TBC1D1: variants seen among roughly 807,000 people sequenced by gnomAD.
TBC1D1 encodes the protein TBC1 (tre-2/USP6, BUB2, cdc16) domain family, member 1.
A neutral mutation model predicts 125.6 loss-of-function variants in TBC1D1; 89 were observed. The observed-to-expected ratio is 0.71, with a 90% CI of 0.60 to 0.85. The LOEUF (loss-of-function observed/expected upper bound fraction) is 0.85. Ranked by LOEUF, TBC1D1 falls within the 40% of genes least tolerant of loss-of-function variation. The pLI is 0.00. For missense variants in TBC1D1, 1,377 were observed against 1,469.2 expected (o/e 0.94, Z 1.03); for synonymous variants, 565 against 564.1 (o/e 1.00, Z -0.02).
intron 2 of TBC1D1, among the ~76,000 whole-genome samples, chr4:37,922,011 A>G (rs1305106157): frequency 6.6e-6 from 1 of 152,078 alleles, no homozygotes; most frequent in Non-Finnish European, 1.5e-5. Flanking sequence ...TGCTGGGATT[A>G]CAGGTGTGAG....
intron 12 of TBC1D1, among the ~76,000 whole-genome samples, chr4:38,057,575 C>T (rs1425441062): frequency 6.6e-6 from 1 of 152,132 alleles, no homozygotes; most frequent in Non-Finnish European, 1.5e-5. Context: ...ACCAAGCCGC[C>T]TGAATTTCTG....
chr4:37,980,263 G>A (rs1734084625), intron 2 of TBC1D1, among the ~76,000 whole-genome samples: 1 of 152,212 alleles, frequency 6.6e-6, no homozygotes, highest in South Asian at 2.1e-4. Flanking sequence ...ACATGATCTG[G>A]AACATTAGGG....
At chr4:37,976,729 C>T (rs956012073) in intron 2 of TBC1D1, among the ~76,000 whole-genome samples, 3 of 152,074 alleles carry the variant, frequency 2.0e-5, no homozygotes, top group Non-Finnish European at 2.9e-5. Context: ...AACTGACCAC[C>T]TTGTCTCATC....
At chr4:37,923,306 A>G (rs1721408476) in intron 2 of TBC1D1, among the ~76,000 whole-genome samples, 1 of 152,176 alleles carries the variant, frequency 6.6e-6, no homozygotes, top group Non-Finnish European at 1.5e-5. Context: ...ATGGCTGCAT[A>G]GTACTCCATG....
intron 12 of TBC1D1, among the ~76,000 whole-genome samples, chr4:38,076,752 G>A (rs923042754): frequency 3.3e-5 from 5 of 151,968 alleles, no homozygotes; most frequent in African/African-American, 7.3e-5. Flanking sequence ...AGATATATTA[G>A]TGTTTACAGT....
At chr4:38,105,451 T>C (rs1761142283) in intron 15 of TBC1D1, among the ~76,000 whole-genome samples, 2 of 152,134 alleles carry the variant, frequency 1.3e-5, no homozygotes, top group Admixed American at 6.6e-5. Flanking sequence ...TCAACTTTTA[T>C]TTTAGATTCC....
intron 13 of TBC1D1, 138 bp from the exon 16 acceptor site, chr4:38,095,791 G>A (rs1759217339): frequency 2.4e-6 from 2 of 829,208 alleles, no homozygotes; most frequent in South Asian, 2.2e-5. Context: ...GGCATGGACA[G>A]TGACTTATAT....
chr4:38,118,219 G>A (rs757039490), intron 17 of TBC1D1, 27 bp downstream of exon 19: 1 of 1,612,682 alleles, frequency 6.2e-7, no homozygotes, highest in South Asian at 1.1e-5. Flanking sequence ...CTGTTTGCCA[G>A]AACCAGCCTT....
intron 18 of TBC1D1, among the ~76,000 whole-genome samples, chr4:38,125,847 G>T (rs1353576459): frequency 6.6e-6 from 1 of 152,200 alleles, no homozygotes; most frequent in African/African-American, 2.4e-5. Flanking sequence ...ATGCTCCTTA[G>T]TAGAGAAAGG....
In TBC1D1 at chr4:38,004,400, C is replaced by T. The variant is rs926469751; in HGVS notation, c.418-10109C>T. Among the ~76,000 whole-genome samples the T allele has an allele frequency of 5.3e-5, 8 of 152,316 alleles. No individual in the cohort carries two copies. In the East Asian group the frequency reaches 1.5e-3, roughly 29 times the overall value. Reference sequence around the variant, plus strand: ...TTACACTGAAATGCAATTAGCAGTCCTGGCAGTTTATGCAAAGGTTGGGAT... The same window carrying T: ...TTACACTGAAATGCAATTAGCAGTCTTGGCAGTTTATGCAAAGGTTGGGAT... On this transcript the variant is annotated intron_variant, in intron 2 of 19. Transcript: ENST00000261439.
At chr4:37,899,782 A>G (rs1454971151) in intron 1 of TBC1D1, among the ~76,000 whole-genome samples, 2 of 152,200 alleles carry the variant, frequency 1.3e-5, no homozygotes, top group Non-Finnish European at 2.9e-5. Flanking sequence ...AAGTATGTGG[A>G]AAGAAACAAC....
chr4:38,021,117 C>T (rs1255925172), intron 5 of TBC1D1, among the ~76,000 whole-genome samples: 1 of 152,232 alleles, frequency 6.6e-6, no homozygotes, highest in African/African-American at 2.4e-5. Flanking sequence ...CGAGGCCTCA[C>T]AATCATGGCG....
Position 37,958,180 on chromosome 4 carries a change from A to G in TBC1D1, c.417+55668A>G, listed in dbSNP as rs1729265762. Among the ~76,000 whole-genome samples, 3 of 152,258 alleles carry G rather than the reference A, an allele frequency of 2.0e-5. No individual in the cohort carries two copies. In the South Asian group the frequency reaches 6.2e-4, roughly 32 times the overall value. The stretch of plus-strand genomic sequence containing the variant: ...ATAGTAACACATTTTTCAGATTTGA[A>G]GTTGTCTAGGAAAAAAGTATGCTTC... On this transcript the variant is annotated intron_variant, in intron 2 of 19. Coordinates refer to ENST00000261439, the MANE Select transcript of TBC1D1 (RefSeq NM_015173.4).
At chr4:38,110,576 C>A in intron 15 of TBC1D1, 3 of 985,388 alleles carry the variant, frequency 3.0e-6, no homozygotes, top group Non-Finnish European at 3.6e-6. Flanking sequence ...GCATATTTCT[C>A]CACTTAGATC....
chr4:37,902,437 T>G lies in TBC1D1; in HGVS notation c.342T>G (p.Phe114Leu). 1 of 1,614,166 alleles carries G rather than the reference T, an allele frequency of 6.2e-7. No individual in the cohort carries two copies. The highest frequency in any genetic ancestry group is 8.5e-7 in the Non-Finnish European group (1 of 1,180,022). Residue 114 changes from phenylalanine (F) to leucine (L), a missense_variant, in exon 2 of 20, where the codon TTT becomes TTG. This residue lies in a region of TBC1D1 where 822 missense variants were observed against 824.6 expected (regional missense o/e 1.00). Transcript: ENST00000261439. ...ACAACAGTCATGACCCAAGTTACTTTGCTTGTCTGATTAAGGAAGACGCTG... is the reference window on the plus strand; with the variant it reads ...ACAACAGTCATGACCCAAGTTACTTGGCTTGTCTGATTAAGGAAGACGCTG...
At chr4:38,051,584 G>T (rs1433071009) in intron 11 of TBC1D1, among the ~76,000 whole-genome samples, 1 of 152,050 alleles carries the variant, frequency 6.6e-6, no homozygotes, top group Non-Finnish European at 1.5e-5. Flanking sequence ...GTCACAGTCA[G>T]CTGTGATCGT....
chr4:38,090,333 A>G (rs190322877), intron 13 of TBC1D1, among the ~76,000 whole-genome samples: 97 of 152,332 alleles, frequency 6.4e-4, no homozygotes, highest in African/African-American at 1.9e-3. Flanking sequence ...TTATTCCTCT[A>G]TGGTCACTGT....
chr4:38,126,440 T>G (rs933605443), intron 18 of TBC1D1, among the ~76,000 whole-genome samples: 2 of 152,200 alleles, frequency 1.3e-5, no homozygotes, highest in African/African-American at 4.8e-5. Flanking sequence ...CCACATGCAG[T>G]GTTTGTGATT....
Position 38,115,886 on chromosome 4 carries a change from AT to A in TBC1D1, c.2735del (p.Met912SerfsTer5), listed in dbSNP as rs779680721. 6.2e-7 allele frequency: 1 copy of A among 1,614,204 alleles called. No individual in the cohort carries two copies. The highest frequency in any genetic ancestry group is 8.5e-7 in the Non-Finnish European group (1 of 1,180,018). On this transcript the variant is annotated frameshift_variant, in exon 16 of 20. Transcript: ENST00000261439. LOFTEE classifies it high-confidence loss of function. Reference sequence around the variant, plus strand: ...TATGAGTGAGGAAGAGGCGTTTAAAATGCTCAAGTTTCTGATGTTTGACATG... The same window carrying A: ...TATGAGTGAGGAAGAGGCGTTTAAAAGCTCAAGTTTCTGATGTTTGACATG...
Sources: gnomAD v4.1 joint callset for allele counts (sites outside exome capture counted in the v4.1 genomes callset) on GRCh38, gnomAD v4.1.1 for gene constraint, gnomAD v4.1.1 regional missense constraint, MANE v1.5 for transcripts, NCBI Gene and HGNC (gene_info 2026-07-23, HGNC 2026-07-21) for gene names.